IQCM: variants seen among roughly 807,000 people sequenced by gnomAD.
The protein encoded by IQCM is IQ motif containing M.
In IQCM, 45 loss-of-function variants were observed where a neutral mutation model predicts 57.6. That is an observed-to-expected ratio of 0.78 (90% CI 0.62 to 1.00). IQCM has a LOEUF of 1.00. IQCM is among the 50% of genes least tolerant of loss of function. IQCM has a pLI of 0.00. For synonymous variants in IQCM, 148 were observed against 158.9 expected, an observed-to-expected ratio of 0.93 and a Z score of 0.51; for missense variants, 468 against 511.6, an observed-to-expected ratio of 0.91 and a Z score of 0.82.
chr4:149,457,122 C>T (rs1291714627), intron 12 of IQCM, among the ~76,000 whole-genome samples: 2 of 152,004 alleles, frequency 1.3e-5, no homozygotes, highest in African/African-American at 2.4e-5. Flanking sequence ...AAAAAGAATA[C>T]CAATCATTTA....
chr4:149,523,115 AC>A (rs1745823344), intron 12 of IQCM, among the ~76,000 whole-genome samples: 1 of 152,090 alleles, frequency 6.6e-6, no homozygotes, highest in Non-Finnish European at 1.5e-5. Flanking sequence ...ACTGCCTTAT[AC>A]TCGTATCCTC....
intron 7 of IQCM, among the ~76,000 whole-genome samples, chr4:149,649,598 A>G (rs2150130961): frequency 6.6e-6 from 1 of 152,336 alleles, no homozygotes; most frequent in South Asian, 2.1e-4. Flanking sequence ...ATTACCACCT[A>G]CCCATTAACT....
At chr4:149,381,946 G>A (rs1163191341) in intron 13 of IQCM, among the ~76,000 whole-genome samples, 4 of 151,906 alleles carry the variant, frequency 2.6e-5, no homozygotes. Flanking sequence ...AGCTAATTTT[G>A]CATTTTTAGT....
chr4:149,752,349 C>A (rs559902075), intron 2 of IQCM, among the ~76,000 whole-genome samples: 1 of 151,896 alleles, frequency 6.6e-6, no homozygotes, highest in Non-Finnish European at 1.5e-5. Context: ...GTCAGGAGTT[C>A]GAGACCAGCC....
At chr4:149,749,052 T>C (rs1005859647) in intron 2 of IQCM, among the ~76,000 whole-genome samples, 4 of 152,174 alleles carry the variant, frequency 2.6e-5, no homozygotes, top group Non-Finnish European at 5.9e-5. Context: ...AAGAATGGCT[T>C]CTTTAAAAAT....
At chr4:149,359,523 A>G (rs1390435898) in intron 13 of IQCM, among the ~76,000 whole-genome samples, 1 of 152,218 alleles carries the variant, frequency 6.6e-6, no homozygotes, top group Non-Finnish European at 1.5e-5. Context: ...GGAAATAATT[A>G]GAAACAACAT....
At chr4:149,790,166 C>T in intron 2 of IQCM, 1 of 487,424 alleles carries the variant, frequency 2.1e-6, no homozygotes, top group Non-Finnish European at 3.7e-6. Flanking sequence ...GTTGAAAGAA[C>T]ATGAAGAGAA....
chr4:149,354,879 C>T (rs574188652), intron 13 of IQCM, among the ~76,000 whole-genome samples: 4 of 152,022 alleles, frequency 2.6e-5, no homozygotes, highest in Non-Finnish European at 5.9e-5. Flanking sequence ...ACTAATGCAA[C>T]GTGTTAATAA....
intron 13 of IQCM, among the ~76,000 whole-genome samples, chr4:149,413,633 T>G (rs1184230221): frequency 1.3e-5 from 2 of 152,186 alleles, no homozygotes; most frequent in Non-Finnish European, 2.9e-5. Context: ...TAAACAAAAT[T>G]TACAGAGTTC....
intron 5 of IQCM, among the ~76,000 whole-genome samples, chr4:149,695,038 G>A (rs1763237689): frequency 6.6e-6 from 1 of 152,152 alleles, no homozygotes; most frequent in African/African-American, 2.4e-5. Context: ...ATGACAGATT[G>A]CAATTTACTG....
intron 9 of IQCM, among the ~76,000 whole-genome samples, chr4:149,567,648 C>T (rs1260741052): frequency 1.3e-5 from 2 of 151,834 alleles, no homozygotes; most frequent in Non-Finnish European, 2.9e-5. Context: ...TGCAGGGCCT[C>T]AAGTTGCAAA....
intron 13 of IQCM, among the ~76,000 whole-genome samples, chr4:149,400,911 G>A (rs563757907): frequency 6.6e-6 from 1 of 151,938 alleles, no homozygotes; most frequent in South Asian, 2.1e-4. Context: ...GTCTACAGAA[G>A]GAAACCAGAG....
At chr4:149,620,787 C>T (rs1413788752) in intron 8 of IQCM, among the ~76,000 whole-genome samples, 1 of 152,174 alleles carries the variant, frequency 6.6e-6, no homozygotes, top group Non-Finnish European at 1.5e-5. Context: ...ATTCTACATT[C>T]TCCCCTTGCC....
At chr4:149,593,047 C>A (rs1277220447) in intron 8 of IQCM, among the ~76,000 whole-genome samples, 1 of 152,152 alleles carries the variant, frequency 6.6e-6, no homozygotes, top group African/African-American at 2.4e-5. Flanking sequence ...TTACCTTGGG[C>A]AGTATGGCCA....
intron 9 of IQCM, among the ~76,000 whole-genome samples, chr4:149,572,510 A>G (rs1751255437): frequency 6.6e-6 from 1 of 151,748 alleles, no homozygotes; most frequent in Non-Finnish European, 1.5e-5. Context: ...CTTTCACTTA[A>G]TTTCAAATTT....
At chr4:149,508,234 T>G (rs1274943438) in intron 12 of IQCM, among the ~76,000 whole-genome samples, 2 of 151,912 alleles carry the variant, frequency 1.3e-5, no homozygotes, top group East Asian at 3.9e-4. Flanking sequence ...ACAAAGTCCC[T>G]ACTGTGGCAC....
intron 9 of IQCM, among the ~76,000 whole-genome samples, chr4:149,566,398 G>A (rs1415783756): frequency 6.6e-6 from 1 of 152,110 alleles, no homozygotes; most frequent in African/African-American, 2.4e-5. Context: ...GTGTACTATT[G>A]AAGTGACAGC....
At chr4:149,795,822 G>A (rs887322537) in intron 2 of IQCM, among the ~76,000 whole-genome samples, 1 of 152,114 alleles carries the variant, frequency 6.6e-6, no homozygotes, top group African/African-American at 2.4e-5. Flanking sequence ...AAACACCCTG[G>A]GCCAGAAGGG....
Position 149,495,846 on chromosome 4 carries a change from C to A in IQCM, c.1228+52609G>T, listed in dbSNP as rs115895603. 4.1e-3 allele frequency among the ~76,000 whole-genome samples: 630 copies of A among 152,236 alleles called. 7 individuals are homozygous for A. The highest frequency in any genetic ancestry group is 0.014 in the African/African-American group (595 of 41,558). ...TGCCTAAGTCATGATATGCTAAAAACAATTGACACCAAAAATAAATGTCTA... is the reference window on the plus strand; with the variant it reads ...TGCCTAAGTCATGATATGCTAAAAAAAATTGACACCAAAAATAAATGTCTA... On this transcript the variant is annotated intron_variant, in intron 12 of 13. Transcript: ENST00000636793.
Sources: allele counts gnomAD v4.1 joint callset (sites outside exome capture counted in the v4.1 genomes callset), GRCh38; gene constraint gnomAD v4.1.1; transcripts MANE v1.5; gene names NCBI Gene and HGNC (gene_info 2026-07-23, HGNC 2026-07-21).